The following NUP205 variants were observed in gnomAD, a reference collection of about 807,000 sequenced individuals.
The protein encoded by NUP205 is nuclear pore complex protein Nup205.
Under a neutral mutation model 253.8 loss-of-function variants are expected in NUP205, and 76 were observed. That is an observed-to-expected ratio of 0.30 (90% CI 0.25 to 0.36). NUP205 has a LOEUF of 0.36. Among genes scored for constraint, NUP205 ranks in the 10% least tolerant of loss-of-function variants. The pLI is 1.00. For synonymous variants in NUP205, 832 were observed against 850.1 expected (o/e 0.98, Z 0.37); for missense variants, 2,162 against 2,425.5 (o/e 0.89, Z 2.28).
chr7:135,639,411 GGTGT>G (rs1216071455), intron 38 of NUP205, among the ~76,000 whole-genome samples: 1 of 152,064 alleles, frequency 6.6e-6, no homozygotes, highest in Non-Finnish European at 1.5e-5. Context: ...TTAGTGGCCG[GGTGT>G]GTGGTTGCTT....
At chr7:135,595,429 G>T (rs1370245577) in intron 13 of NUP205, among the ~76,000 whole-genome samples, 3 of 152,034 alleles carry the variant, frequency 2.0e-5, no homozygotes, top group Non-Finnish European at 4.4e-5. Context: ...TTGCCATGTT[G>T]TCCAGGCTGG....
chr7:135,619,411 T>A lies in NUP205; in HGVS notation c.3964-12T>A, dbSNP rs1207131040. 1.2e-6 allele frequency: 2 copies of A among 1,608,932 alleles called. No homozygotes were observed. The highest frequency in any genetic ancestry group is 8.5e-7 in the Non-Finnish European group (1 of 1,177,916). On this transcript the variant is annotated splice_polypyrimidine_tract_variant and intron_variant, in intron 28 of 42. Coordinates refer to ENST00000285968, the MANE Select transcript of NUP205 (RefSeq NM_015135.3). ...GCAGGATTCTCACTCTAATTTGCCC[T>A]TGTCCTTTAAGATACTGGATGATGA... is the stretch of plus-strand genomic sequence containing the variant.
At chr7:135,563,004 C>T (rs6467595) in intron 1 of NUP205, among the ~76,000 whole-genome samples, 111,284 of 151,880 alleles carry the variant, frequency 0.73, 41,345 homozygotes, top group Middle Eastern at 0.85. Context: ...TGCATGTCTT[C>T]ACCTCCCACC....
chr7:135,560,004 G>T (rs918040962), intron 1 of NUP205, among the ~76,000 whole-genome samples: 1 of 151,566 alleles, frequency 6.6e-6, no homozygotes, highest in African/African-American at 2.4e-5. Context: ...GATTACAGGC[G>T]CCCGCCACTA....
chr7:135,648,038 C>T (rs536705105), intron 42 of NUP205, among the ~76,000 whole-genome samples: 1 of 151,692 alleles, frequency 6.6e-6, no homozygotes, highest in South Asian at 2.1e-4. Context: ...TCCCTTCCTT[C>T]CCTGCATTCT....
intron 1 of NUP205, chr7:135,558,238 G>A (rs891651492): frequency 2.0e-6 from 1 of 510,178 alleles, no homozygotes; most frequent in Non-Finnish European, 3.6e-6. Flanking sequence ...CACAGCCCAG[G>A]GCTGAGTCTG....
At chr7:135,570,296 C>T (rs946738883) in intron 1 of NUP205, among the ~76,000 whole-genome samples, 1 of 151,912 alleles carries the variant, frequency 6.6e-6, no homozygotes, top group African/African-American at 2.4e-5. Context: ...TCACTGCAAC[C>T]TCCGCCTCCT....
At chr7:135,604,651 A>T (rs1425345703) in intron 19 of NUP205, among the ~76,000 whole-genome samples, 191 bp downstream of exon 19, 2 of 152,234 alleles carry the variant, frequency 1.3e-5, no homozygotes, top group African/African-American at 2.4e-5. Flanking sequence ...AGATAATGCT[A>T]TTCACAGTGA....
In NUP205 at chr7:135,578,852, G is replaced by A; in HGVS notation, c.979G>A (p.Ala327Thr). ...SQLWKLPGLQATVRLAWALAL... is the reference protein window; with the variant it reads ...SQLWKLPGLQTTVRLAWALAL... ...GCTTTGGAAACTGCCTGGGCTCCAA[G>A]CCACTGTTAGACTTGCCTGGGCGCT... The change falls in exon 7 of 43, where the codon GCC (alanine) becomes ACC (threonine). Residue 327 changes from alanine to threonine, a missense_variant. By Grantham distance (58) the Ala-to-Thr change is moderately conservative (BLOSUM62 0). Transcript: ENST00000285968. 1 of 1,612,256 alleles carries A rather than the reference G, an allele frequency of 6.2e-7. No homozygotes were observed. Among genetic ancestry groups the A allele is most frequent in the Non-Finnish European group, 8.5e-7 (1 of 1,179,414 alleles).
At chr7:135,593,956 C>T (rs1793759597) in intron 12 of NUP205, among the ~76,000 whole-genome samples, 1 of 151,966 alleles carries the variant, frequency 6.6e-6, no homozygotes, top group East Asian at 1.9e-4. Context: ...GTTCAAAAGC[C>T]AGAAGAGAGG....
intron 13 of NUP205, among the ~76,000 whole-genome samples, chr7:135,595,716 A>T (rs1441747038): frequency 2.0e-5 from 3 of 152,156 alleles, no homozygotes; most frequent in African/African-American, 7.2e-5. Flanking sequence ...AAGTCTCAAT[A>T]ACTTCAAAAT....
At position 135,648,428 on chromosome 7, in the gene NUP205, T is replaced by C. The variant is rs1795055581; in HGVS notation, c.5911T>C (p.Phe1971Leu). ...GCTTCAGGCTGATGCAATCAACGCT[T>C]TTGGAGAATCACTACAAAAGAAACT... Reference protein sequence around the residue: ...DQLQADAINAFGESLQKKLLD... With the variant: ...DQLQADAINALGESLQKKLLD... Residue 1971 changes from phenylalanine (F) to leucine (L), a missense_variant, in exon 43 of 43, where the codon TTT (phenylalanine) becomes CTT (leucine). Around this residue, in one of 5 missense-constraint regions of NUP205, gnomAD observed 1,144 missense variants for 1,280.9 expected, o/e 0.89. Transcript: ENST00000285968. 3 of 1,596,726 alleles carry C rather than the reference T, an allele frequency of 1.9e-6. No homozygotes were observed. The highest frequency in any genetic ancestry group is 2.6e-6 in the Non-Finnish European group (3 of 1,174,680).
chr7:135,630,659 C>T (rs571990966), intron 35 of NUP205, among the ~76,000 whole-genome samples, 189 bp downstream of exon 35: 21 of 152,120 alleles, frequency 1.4e-4, no homozygotes, highest in Non-Finnish European at 2.6e-4. Flanking sequence ...TGTGGTGGCT[C>T]ATGCCTGTGA....
intron 24 of NUP205, 135 bp downstream of exon 24, chr7:135,616,200 C>A: frequency 1.4e-6 from 1 of 730,078 alleles, no homozygotes; most frequent in Non-Finnish European, 2.1e-6. Flanking sequence ...TTTCTTAAAA[C>A]ACAAAAATTT....
rs370766991 is a variant in NUP205, at chr7:135,617,093, G to A, written c.3536G>A (p.Arg1179His). 12 of 1,604,784 alleles carry A rather than the reference G, an allele frequency of 7.5e-6. No individual in the cohort carries two copies. The highest frequency in any genetic ancestry group is 2.2e-5 in the South Asian group (2 of 89,578). The change falls in exon 26 of 43, where the codon CGT (arginine) becomes CAT (histidine). Residue 1179 changes from arginine to histidine, a missense_variant. By Grantham distance (29) the Arg-to-His change is conservative. Around this residue, in one of 5 missense-constraint regions of NUP205, gnomAD observed 1,144 missense variants for 1,280.9 expected, o/e 0.89. Transcript: ENST00000285968. ...FLHFDTATKVRRKILNILDSI... is the reference protein window; with the variant it reads ...FLHFDTATKVHRKILNILDSI... ...AATTACTTTTTATTATTTCTAGTAC[G>A]TCGAAAAATTCTAAATATTCTTGAC... is the stretch of plus-strand genomic sequence containing the variant.
chr7:135,591,379 T>C, intron 10 of NUP205, 71 bp from the exon 11 acceptor site: 3 of 1,328,356 alleles, frequency 2.3e-6, no homozygotes, highest in Middle Eastern at 1.8e-4. Context: ...ATGTAGTCTT[T>C]ATTAGCTAGT....
chr7:135,587,708 G>A lies in NUP205; in HGVS notation c.1335+17G>A. On this transcript the variant is annotated intron_variant, in intron 9 of 42. Transcript: ENST00000285968. ...ATGCTTTTGGTAAGCCATTATATTA[G>A]AAAGCTTGTCCTCTTTCCCTCCTTT... 6.4e-7 allele frequency: 1 copy of A among 1,562,670 alleles called. No individual in the cohort carries two copies. The highest frequency in any genetic ancestry group is 8.7e-7 in the Non-Finnish European group (1 of 1,149,284).
intron 22 of NUP205, among the ~76,000 whole-genome samples, chr7:135,608,914 A>G (rs1794155872): frequency 6.6e-6 from 1 of 151,808 alleles, no homozygotes; most frequent in African/African-American, 2.4e-5. Context: ...CAGCCTGGCC[A>G]ACATGGTGGA....
chr7:135,574,633 G>A (rs1447878728), intron 3 of NUP205, among the ~76,000 whole-genome samples: 2 of 152,142 alleles, frequency 1.3e-5, no homozygotes, highest in African/African-American at 4.8e-5. Flanking sequence ...GATACAGCAG[G>A]AATCAGAGCA....
Sources: gnomAD v4.1 joint callset for allele counts (sites outside exome capture counted in the v4.1 genomes callset) on GRCh38, gnomAD v4.1.1 for gene constraint, gnomAD v4.1.1 regional missense constraint, MANE v1.5 for transcripts, NCBI Gene and HGNC (gene_info 2026-07-23, HGNC 2026-07-21) for gene names.